NEDD4: variants seen among roughly 807,000 people sequenced by gnomAD.
NEDD4 encodes E3 ubiquitin-protein ligase NEDD4.
In NEDD4, 99 loss-of-function variants were observed where a neutral mutation model predicts 144.9. That is an observed-to-expected ratio of 0.68 (90% CI 0.58 to 0.81). The LOEUF (loss-of-function observed/expected upper bound fraction) is 0.81. Among genes scored for constraint, NEDD4 ranks in the 30% least tolerant of loss-of-function variants. NEDD4 has a pLI of 0.00. For synonymous variants in NEDD4, 318 were observed against 350.6 expected (o/e 0.91, Z 1.04); for missense variants, 985 against 1,065.9 (o/e 0.92, Z 1.06).
At chr15:55,984,946 A>G (rs2037865827) in intron 1 of NEDD4, among the ~76,000 whole-genome samples, 1 of 152,220 alleles carries the variant, frequency 6.6e-6, no homozygotes, top group Non-Finnish European at 1.5e-5. Context: ...TTGAGAAGCA[A>G]TTGTGTTCAA....
At chr15:55,893,510 CTT>C (rs1325350127) in intron 5 of NEDD4, among the ~76,000 whole-genome samples, 1 of 151,568 alleles carries the variant, frequency 6.6e-6, no homozygotes, top group Non-Finnish European at 1.5e-5. Flanking sequence ...CAATTAAAAA[CTT>C]GAATTGAAAT....
At chr15:55,982,029 T>C (rs547807791) in intron 1 of NEDD4, among the ~76,000 whole-genome samples, 10 of 152,340 alleles carry the variant, frequency 6.6e-5, no homozygotes, top group African/African-American at 2.4e-4. Flanking sequence ...ATACACAAAG[T>C]ATCACTGGAA....
chr15:55,972,746 C>T (rs2037632394), intron 1 of NEDD4, among the ~76,000 whole-genome samples: 1 of 152,128 alleles, frequency 6.6e-6, no homozygotes, highest in Non-Finnish European at 1.5e-5. Flanking sequence ...ATACAAGAAA[C>T]ACACTTCACC....
At chr15:55,910,725 C>T (rs996331255) in intron 5 of NEDD4, among the ~76,000 whole-genome samples, 4 of 152,170 alleles carry the variant, frequency 2.6e-5, no homozygotes, top group African/African-American at 4.8e-5. Context: ...CTCTGATACA[C>T]ATAAACTTCA....
At chr15:55,898,924 A>G (rs2035825813) in intron 5 of NEDD4, among the ~76,000 whole-genome samples, 1 of 152,182 alleles carries the variant, frequency 6.6e-6, no homozygotes, top group African/African-American at 2.4e-5. Flanking sequence ...TACAGGCGTG[A>G]GCCACTGTAC....
chr15:55,980,920 AATAATT>A (rs753911811), intron 1 of NEDD4, among the ~76,000 whole-genome samples: 1 of 152,350 alleles, frequency 6.6e-6, no homozygotes, highest in African/African-American at 2.4e-5. Context: ...ATGTGAAATA[AATAATT>A]ATAAACATAA....
At chr15:55,856,287 G>A (rs1206840182) in intron 11 of NEDD4, 91 bp from the exon 12 acceptor site, 2 of 1,108,288 alleles carry the variant, frequency 1.8e-6, no homozygotes, top group East Asian at 2.5e-5. Context: ...AATATGACAG[G>A]GCAGAAGAGA....
chr15:55,972,216 G>C (rs531034782), intron 1 of NEDD4, among the ~76,000 whole-genome samples: 1 of 152,200 alleles, frequency 6.6e-6, no homozygotes, highest in African/African-American at 2.4e-5. Flanking sequence ...TAAGTACACA[G>C]ACAAATACAG....
chr15:55,879,986 G>A (rs1417756400), intron 5 of NEDD4, among the ~76,000 whole-genome samples: 1 of 152,030 alleles, frequency 6.6e-6, no homozygotes, highest in South Asian at 2.1e-4. Flanking sequence ...TCAAGGAAGA[G>A]AATATTAAAA....
chr15:55,883,930 A>C (rs1196530118), intron 5 of NEDD4, among the ~76,000 whole-genome samples: 1 of 145,668 alleles, frequency 6.9e-6, no homozygotes. Context: ...CCCAGGCTGG[A>C]GTACAGTGGC....
intron 26 of NEDD4, 91 bp downstream of exon 26, chr15:55,833,947 T>G (rs1228111878): frequency 1.1e-5 from 10 of 922,822 alleles, no homozygotes; most frequent in African/African-American, 1.0e-4. Flanking sequence ...ATCAGTTAAA[T>G]GTAATCCACC....
chr15:55,847,073 T>C, intron 17 of NEDD4, 39 bp from the exon 18 acceptor site: 1 of 1,377,714 alleles, frequency 7.3e-7, no homozygotes, highest in Non-Finnish European at 1.0e-6. Context: ...GAAGTTTAGG[T>C]TGTTTTTATT....
chr15:55,978,740 T>TGCAAATTACAG (rs2037745983), intron 1 of NEDD4, among the ~76,000 whole-genome samples: 1 of 152,140 alleles, frequency 6.6e-6, no homozygotes, highest in Non-Finnish European at 1.5e-5. Flanking sequence ...AATAGAAAGT[T>TGCAAATTACAG]GCAAATTACA....
At chr15:55,965,371 T>G (rs527774499) in intron 2 of NEDD4, among the ~76,000 whole-genome samples, 108 of 152,176 alleles carry the variant, frequency 7.1e-4, no homozygotes, top group African/African-American at 2.5e-3. Flanking sequence ...CCAGCTGATT[T>G]TTTGTACTTT....
At chr15:55,949,123 A>T (rs2037181320) in intron 4 of NEDD4, among the ~76,000 whole-genome samples, 1 of 152,154 alleles carries the variant, frequency 6.6e-6, no homozygotes, top group African/African-American at 2.4e-5. Flanking sequence ...AAACAACCCC[A>T]TCAAGAAGCG....
intron 19 of NEDD4, among the ~76,000 whole-genome samples, chr15:55,841,644 G>C (rs149477349): frequency 1.3e-5 from 2 of 152,164 alleles, no homozygotes; most frequent in South Asian, 2.1e-4. Context: ...GTGCAGTGGC[G>C]TGATCTCGGC....
At chr15:55,952,154 C>T (rs1048508435) in intron 2 of NEDD4, among the ~76,000 whole-genome samples, 21 of 151,772 alleles carry the variant, frequency 1.4e-4, no homozygotes, top group Non-Finnish European at 2.9e-4. Flanking sequence ...TGGTGAAACC[C>T]CGTCTCTACT....
rs1191402355 is a variant in NEDD4, at chr15:55,988,392, T to G, written c.45+5119A>C. Among the ~76,000 whole-genome samples, 3 of 124,156 alleles carry G rather than the reference T, an allele frequency of 2.4e-5. No homozygotes were observed. The Admixed American group carries it at 2.6e-4, about 11-fold the overall frequency. 81.5% of individuals were successfully genotyped at this position (124,156 alleles called of 152,430 possible). ...TAATGCTAGATGACACGTTAGTGGG[T>G]GCAGCACACCAGCATGGCACATGTA... On this transcript the variant is annotated intron_variant, in intron 1 of 28. Coordinates refer to ENST00000435532, the MANE Select transcript of NEDD4 (RefSeq NM_006154.4).
intron 2 of NEDD4, among the ~76,000 whole-genome samples, chr15:55,954,020 C>T (rs2142307644): frequency 6.6e-6 from 1 of 152,312 alleles, no homozygotes; most frequent in East Asian, 1.9e-4. Context: ...ACCTCCTTTT[C>T]TTCATTTCCT....
Sources: allele counts gnomAD v4.1 joint callset (sites outside exome capture counted in the v4.1 genomes callset), GRCh38; gene constraint gnomAD v4.1.1; transcripts MANE v1.5; gene names NCBI Gene and HGNC (gene_info 2026-07-23, HGNC 2026-07-21).